Variants in FCRL1 observed in about 807,000 individuals in gnomAD.
The protein encoded by FCRL1 is Fc receptor-like protein 1.
In FCRL1, 34 loss-of-function variants were observed where a neutral mutation model predicts 49.2. The ratio of observed to expected loss-of-function variants is 0.69; its 90% CI spans 0.53 to 0.92. The LOEUF (loss-of-function observed/expected upper bound fraction) is 0.92, where lower values mean the gene tolerates loss of function less well. Among genes scored for constraint, FCRL1 ranks in the 40% least tolerant of loss-of-function variants. The pLI, the probability that FCRL1 is intolerant of heterozygous loss-of-function variation, is 0.00. For missense variants in FCRL1, 524 were observed against 524.1 expected, an observed-to-expected ratio of 1.00 and a Z score of 0.00; for synonymous variants, 218 against 201.6, an observed-to-expected ratio of 1.08 and a Z score of -0.69.
In FCRL1 at chr1:157,804,228, G is replaced by A. The variant is rs1239304441; in HGVS notation, c.53-117C>T. 2.3e-6 allele frequency: 3 copies of A among 1,290,374 alleles called. No individual in the cohort carries two copies. In the African/African-American group the frequency reaches 4.7e-5, roughly 20 times the overall value. The allele number at this position is 1,290,374 out of a possible 1,614,324, so 79.9% of individuals were successfully genotyped here. A position where few individuals can be genotyped will look rare whatever the true frequency, so the allele number is the denominator to read the frequency against. Reference sequence around the variant, plus strand: ...AAGAAACAGCCAGTTGGACACACAGGCCACCCTACATGTCTCCACCCCCCC... The same window carrying A: ...AAGAAACAGCCAGTTGGACACACAGACCACCCTACATGTCTCCACCCCCCC... On this transcript the variant is annotated intron_variant, in intron 2 of 10. Transcript: ENST00000368176.
Position 157,803,007 on chromosome 1 carries a change from T to C in FCRL1, c.320-343A>G, listed in dbSNP as rs1652788568. Among the ~76,000 whole-genome samples, 2 of 152,104 alleles carry C rather than the reference T, an allele frequency of 1.3e-5. 1 individual carries two copies. Among genetic ancestry groups the C allele is most frequent in the South Asian group, 4.2e-4 (2 of 4,816 alleles). ...AAATCGAACTGCCTTATTTGAAGAG[T>C]GGTTCCAACTCTTTTACTCGTTGTG... On this transcript the variant is annotated intron_variant, in intron 3 of 10. Coordinates refer to ENST00000368176, the MANE Select transcript of FCRL1 (RefSeq NM_052938.5).
In FCRL1 at chr1:157,797,857, C is replaced by T; in HGVS notation, c.1186+11G>A. On this transcript the variant is annotated intron_variant, in intron 9 of 10. Transcript: ENST00000368176. ...AAAAGTCAGAGACAAATTTACTCCC[C>T]CATGTCTCACCTGCTACTGATTCCT... 6.2e-7 allele frequency: 1 copy of T among 1,614,116 alleles called. No homozygotes were observed.
intron 1 of FCRL1, among the ~76,000 whole-genome samples, chr1:157,813,039 A>G (rs2101895443): frequency 6.6e-6 from 1 of 152,286 alleles, no homozygotes; most frequent in Middle Eastern, 3.4e-3. Flanking sequence ...TACTATGCTC[A>G]CCTGGAACCA....
intron 1 of FCRL1, among the ~76,000 whole-genome samples, chr1:157,814,573 T>C (rs202174815): frequency 6.6e-6 from 1 of 151,740 alleles, no homozygotes; most frequent in East Asian, 1.9e-4. Flanking sequence ...TACAAAACAA[T>C]TAGAAAACAC....
Position 157,796,091 on chromosome 1 carries a change from C to G in FCRL1, c.*8G>C. 1 of 1,612,878 alleles carries G rather than the reference C, an allele frequency of 6.2e-7. No homozygotes were observed. Among genetic ancestry groups the G allele is most frequent in the African/African-American group, 1.3e-5 (1 of 75,000 alleles). ...GATGGTTTTCAAAGAGCAGAATCTTCCATAACCTTACATAGCATCTTCATA... is the reference window on the plus strand; with the variant it reads ...GATGGTTTTCAAAGAGCAGAATCTTGCATAACCTTACATAGCATCTTCATA... On this transcript the variant is annotated 3_prime_UTR_variant, in exon 11 of 11. Transcript: ENST00000368176.
Position 157,812,174 on chromosome 1 carries a change from C to T in FCRL1, c.32-5052G>A, listed in dbSNP as rs148389691. Among the ~76,000 whole-genome samples the T allele has an allele frequency of 6.7e-4, 102 of 152,346 alleles. 1 individual carries two copies. Among genetic ancestry groups the T allele is most frequent in the African/African-American group, 2.4e-3 (100 of 41,580 alleles). ...CCAATCTGTATTACTCTGCCCTTCT[C>T]AGCCAAACAGCCTAAGTGTCCTGCC... On this transcript the variant is annotated intron_variant, in intron 1 of 10. Coordinates refer to ENST00000368176, the MANE Select transcript of FCRL1 (RefSeq NM_052938.5).
At chr1:157,805,341 C>G (rs973669630) in intron 2 of FCRL1, among the ~76,000 whole-genome samples, 15 of 152,180 alleles carry the variant, frequency 9.9e-5, no homozygotes, top group Admixed American at 7.9e-4. Context: ...TAAGACAAAA[C>G]TTTATTCTTT....
At chr1:157,817,812 C>G (rs552632913) in intron 1 of FCRL1, among the ~76,000 whole-genome samples, 1 of 151,998 alleles carries the variant, frequency 6.6e-6, no homozygotes, top group South Asian at 2.1e-4. Flanking sequence ...ATATAAGAAA[C>G]TCAAACAACT....
rs1201437262 is a variant in FCRL1, at chr1:157,795,496, G to A, written c.*603C>T. On this transcript the variant is annotated 3_prime_UTR_variant, in exon 11 of 11. Transcript: ENST00000368176. ...ATACATAATTTTGGATGTGGTATAG[G>A]TTGGCCTATATATACAAAAATACGT... The A allele has an allele frequency of 6.6e-6, 1 of 152,372 alleles. No homozygotes were observed. Among genetic ancestry groups the A allele is most frequent in the African/African-American group, 2.4e-5 (1 of 41,444 alleles). 9.4% of individuals were successfully genotyped at this position (152,372 alleles called of 1,614,324 possible).
At chr1:157,800,037 T>C (rs1443831709) in intron 7 of FCRL1, 21 bp downstream of exon 7, 16 of 1,609,696 alleles carry the variant, frequency 9.9e-6, no homozygotes, top group Non-Finnish European at 1.4e-5. Context: ...TATTGACACC[T>C]ATAGTGAAAA....
At chr1:157,803,590 T>TGCA (rs982661478) in intron 3 of FCRL1, among the ~76,000 whole-genome samples, 2 of 152,170 alleles carry the variant, frequency 1.3e-5, no homozygotes, top group Admixed American at 6.5e-5. Flanking sequence ...CCAAATATTA[T>TGCA]GCAGCTCTTC....
rs535623313 is a variant in FCRL1 at position 157,802,042 on chromosome 1, C to T, written c.759G>A (p.Ser253=). ...YHEDITLGSR[S]APSGGGASFN... The stretch of plus-strand genomic sequence containing the variant: ...AGGAGGCTCCTCCTCCAGAGGGGGC[C>T]GACCTGCTCCCCAGGGTGATATCCT... The change falls in exon 5 of 11, where the codon TCG becomes TCA. Residue 253 remains serine (S), a synonymous_variant. Coordinates refer to ENST00000368176, the MANE Select transcript of FCRL1 (RefSeq NM_052938.5). 15 of 1,614,198 alleles carry T rather than the reference C, an allele frequency of 9.3e-6. No homozygotes were observed. Among genetic ancestry groups the T allele is most frequent in the African/African-American group, 6.7e-5 (5 of 75,048 alleles).
chr1:157,799,316 A>G (rs1293889052), intron 7 of FCRL1, among the ~76,000 whole-genome samples: 2 of 152,126 alleles, frequency 1.3e-5, no homozygotes, highest in Non-Finnish European at 2.9e-5. Flanking sequence ...TGATTTTAAT[A>G]TTCTGCAGTG....
In FCRL1 at chr1:157,797,946, G is replaced by A; in HGVS notation, c.1115-7C>T. Reference sequence around the variant, plus strand: ...TCCCCACTTACAACATTCACTGCAAGAGAAGGAGGGAGACTTCATGACACA... The same window carrying A: ...TCCCCACTTACAACATTCACTGCAAAAGAAGGAGGGAGACTTCATGACACA... On this transcript the variant is annotated splice_polypyrimidine_tract_variant and splice_region_variant and intron_variant, in intron 8 of 10. Transcript: ENST00000368176. The A allele has an allele frequency of 6.2e-7, 1 of 1,613,884 alleles. No individual in the cohort carries two copies. The highest frequency in any genetic ancestry group is 1.1e-5 in the South Asian group (1 of 91,074).
intron 2 of FCRL1, among the ~76,000 whole-genome samples, chr1:157,805,323 A>G (rs963243572): frequency 1.3e-5 from 2 of 152,152 alleles, no homozygotes; most frequent in African/African-American, 4.8e-5. Flanking sequence ...AAAATATTAT[A>G]CTTTCCCTAA....
At chr1:157,798,634 A>G (rs549484241) in intron 7 of FCRL1, among the ~76,000 whole-genome samples, 22 of 152,170 alleles carry the variant, frequency 1.4e-4, no homozygotes, top group Non-Finnish European at 2.6e-4. Context: ...TGCGGGTACC[A>G]GTGAAAAGTG....
intron 2 of FCRL1, 152 bp downstream of exon 2, chr1:157,806,950 G>A: frequency 1.4e-6 from 1 of 726,544 alleles, no homozygotes; most frequent in South Asian, 1.9e-5. Flanking sequence ...AGGCCCAAGG[G>A]AGCCACTGAT....
intron 4 of FCRL1, 50 bp from the exon 5 acceptor site, chr1:157,802,243 C>T (rs766956429): frequency 1.3e-6 from 2 of 1,585,030 alleles, no homozygotes; most frequent in African/African-American, 1.3e-5. Context: ...ATGCAGCAAA[C>T]TCATAATCCC....
At position 157,818,092 on chromosome 1, in the gene FCRL1, T is replaced by C. The variant is rs529274410; in HGVS notation, c.31+1915A>G. ...TTAGAACAGCCATTATGGAAGACAG[T>C]ATGGAGGCTCTTAAAATATAAAAAA... On this transcript the variant is annotated intron_variant, in intron 1 of 10. Transcript: ENST00000368176. 1.8e-4 allele frequency among the ~76,000 whole-genome samples: 27 copies of C among 152,222 alleles called. No homozygotes were observed. The South Asian group carries it at 4.4e-3, about 25-fold the overall frequency.
Sources: gnomAD v4.1 joint callset for allele counts (sites outside exome capture counted in the v4.1 genomes callset) on GRCh38, gnomAD v4.1.1 for gene constraint, MANE v1.5 for transcripts, NCBI Gene and HGNC (gene_info 2026-07-23, HGNC 2026-07-21) for gene names.